EGFL7: variants seen among roughly 807,000 people sequenced by gnomAD.
EGFL7 encodes epidermal growth factor-like protein 7.
EGFL7 carries 48 observed loss-of-function variants against 37.1 expected under a neutral mutation model. The ratio of observed to expected loss-of-function variants is 1.29; its 90% CI spans 1.03 to 1.65. EGFL7 has a LOEUF of 1.65. EGFL7 is among the 40% of genes most tolerant of loss of function. The probability of loss-of-function intolerance (pLI) is 0.00; values close to 1 mark genes in which losing one functional copy is unlikely to be tolerated. For missense variants in EGFL7, 384 were observed against 378.9 expected (o/e 1.01, Z -0.11); for synonymous variants, 180 against 156.8 (o/e 1.15, Z -1.10).
upstream of EGFL7, among the ~76,000 whole-genome samples, chr9:136,662,369 C>T (rs904288613): frequency 2.0e-5 from 3 of 152,192 alleles, no homozygotes; most frequent in African/African-American, 7.2e-5. Flanking sequence ...TGTTCTCGGA[C>T]CGCTCAGCCT....
At position 136,670,168 on chromosome 9, in the gene EGFL7, G is replaced by A. The variant is rs755108877; in HGVS notation, c.410-1G>A. On this transcript the variant is annotated splice_acceptor_variant, in intron 7 of 10. Transcript: ENST00000308874. LOFTEE classifies it high-confidence loss of function. Reference sequence around the variant, plus strand: ...GCCGCCTGACACCCCGTTTCCTGCAGATGTGGATGAATGCAGTGCTAGGAG... The same window carrying A: ...GCCGCCTGACACCCCGTTTCCTGCAAATGTGGATGAATGCAGTGCTAGGAG... The A allele has an allele frequency of 1.2e-6, 2 of 1,612,760 alleles. No homozygotes were observed. Among genetic ancestry groups the A allele is most frequent in the South Asian group, 1.1e-5 (1 of 91,090 alleles).
Position 136,669,696 on chromosome 9 carries a change from C to T in EGFL7, c.288C>T (p.Ser96=), listed in dbSNP as rs564212655. Residue 96 remains serine, a synonymous_variant, in exon 6 of 11, where the codon AGC becomes AGT. Coordinates refer to ENST00000308874, the MANE Select transcript of EGFL7 (RefSeq NM_016215.5). ...YACCPGWKRT[S]GLPGACGAAI... is the part of the protein sequence containing the mutation. ...GCTGCCCCGGCTGGAAGAGGACCAG[C>T]GGGCTTCCTGGGGCCTGTGGAGCAG... 2.5e-5 allele frequency: 40 copies of T among 1,602,180 alleles called. No homozygotes were observed. Among genetic ancestry groups the T allele is most frequent in the South Asian group, 9.0e-5 (8 of 88,980 alleles).
At chr9:136,662,775 C>A (rs145876487), upstream of EGFL7, among the ~76,000 whole-genome samples, 405 of 152,302 alleles carry the variant, frequency 2.7e-3, 3 homozygotes, top group Non-Finnish European at 4.6e-3. Context: ...GTGGCCCCCA[C>A]CCCCCTCAGC....
chr9:136,671,613 A>C (rs1588253352), intron 9 of EGFL7, among the ~76,000 whole-genome samples: 8 of 130,802 alleles, frequency 6.1e-5, no homozygotes, highest in African/African-American at 8.8e-5. Context: ...AGACCTCCCC[A>C]CCCCCCCATC....
chr9:136,671,777 C>T (rs886773428), intron 9 of EGFL7, 149 bp from the exon 10 acceptor site: 105 of 1,102,536 alleles, frequency 9.5e-5, no homozygotes, highest in Admixed American at 6.4e-4. Context: ...TTTTCTGCCA[C>T]GGCAGCCCCC....
At chr9:136,669,336 T>C (rs1209313550) in intron 5 of EGFL7, among the ~76,000 whole-genome samples, 1 of 152,128 alleles carries the variant, frequency 6.6e-6, no homozygotes, top group Non-Finnish European at 1.5e-5. Context: ...GGAGACCAGA[T>C]AGGTGGGGGC....
upstream of EGFL7, chr9:136,659,140 G>A (rs1478823091): frequency 1.3e-5 from 2 of 152,226 alleles, no homozygotes; most frequent in African/African-American, 4.8e-5. Context: ...CGTGGGTCAG[G>A]GGCCGGAGCA....
At position 136,662,961 on chromosome 9, in the gene EGFL7, C is replaced by T. The variant is rs1413546348; in HGVS notation, c.-500C>T. ...TGGCCCTGCACGGCTGCAAGGGAGG[C>T]TCCTGTGGACAGGCCAGGCAGGTGG... On this transcript the variant is annotated 5_prime_UTR_variant, in exon 1 of 11. Transcript: ENST00000308874. 6.6e-6 allele frequency: 1 copy of T among 152,320 alleles called. No individual in the cohort carries two copies. The highest frequency in any genetic ancestry group is 1.5e-5 in the Non-Finnish European group (1 of 68,102). 9.4% of individuals were successfully genotyped at this position (152,320 alleles called of 1,614,324 possible).
rs1403431634 is a variant in EGFL7, at chr9:136,666,136, C to G, written c.-43+1351C>G. On this transcript the variant is annotated intron_variant, in intron 3 of 10. Coordinates refer to ENST00000308874, the MANE Select transcript of EGFL7 (RefSeq NM_016215.5). The surrounding 1 kb of genome is among the most constrained non-coding windows in gnomAD (Gnocchi z 6.8). ...GCCCCTCGTCCGACCCGGCGCGACT[C>G]AGCGCCTCGGGGCCCAGCCTGTGCC... 6.7e-6 allele frequency among the ~76,000 whole-genome samples: 1 copy of G among 148,960 alleles called. No homozygotes were observed. The highest frequency in any genetic ancestry group is 6.7e-5 in the Admixed American group (1 of 14,980).
At chr9:136,668,096 G>C in intron 3 of EGFL7, 145 bp from the exon 4 acceptor site, 1 of 573,752 alleles carries the variant, frequency 1.7e-6, no homozygotes. Context: ...CAGCGGAGGA[G>C]AGAGTGGGCG....
chr9:136,669,943 G>T lies in EGFL7; in HGVS notation c.343G>T (p.Gly115Trp). The change falls in exon 7 of 11, where the codon GGG becomes TGG. Residue 115 changes from glycine (G) to tryptophan (W), a missense_variant. Physicochemically the swap from Gly to Trp is radical, Grantham distance 184. Transcript: ENST00000308874. ...ATGCCAGCCGCCATGCCGGAACGGA[G>T]GGAGCTGTGTCCAGCCTGGCCGCTG... ...AICQPPCRNG[G>W]SCVQPGRCRC... is the part of the protein sequence containing the mutation. 6.2e-7 allele frequency: 1 copy of T among 1,606,224 alleles called. No individual in the cohort carries two copies. Among genetic ancestry groups the T allele is most frequent in the East Asian group, 2.2e-5 (1 of 44,588 alleles).
At position 136,670,222 on chromosome 9, in the gene EGFL7, A is replaced by G; in HGVS notation, c.463A>G (p.Thr155Ala). ...CGGCTGTCCCCAGCGCTGCGTCAAC[A>G]CCGCCGGCAGTTACTGGTGCCAGTG... ...RGGCPQRCVN[T>A]AGSYWCQCWE... The change falls in exon 8 of 11, where the codon ACC (threonine) becomes GCC (alanine). Residue 155 changes from threonine to alanine, a missense_variant. Thr to Ala is a moderately conservative substitution (Grantham distance 58). Transcript: ENST00000308874. 2 of 1,612,456 alleles carry G rather than the reference A, an allele frequency of 1.2e-6. No homozygotes were observed. Among genetic ancestry groups the G allele is most frequent in the Non-Finnish European group, 1.7e-6 (2 of 1,179,778 alleles).
At chr9:136,670,891 C>G in intron 8 of EGFL7, 59 bp from the exon 9 acceptor site, 1 of 1,464,250 alleles carries the variant, frequency 6.8e-7, no homozygotes, top group Non-Finnish European at 9.3e-7. Flanking sequence ...CAGGAGGGAG[C>G]CTGGGGGTGT....
intron 3 of EGFL7, among the ~76,000 whole-genome samples, chr9:136,665,985 G>C (rs1365383762): frequency 6.8e-6 from 1 of 146,118 alleles, no homozygotes; most frequent in Admixed American, 6.8e-5. Context: ...GGGGCGGAGC[G>C]GGCCGGGGCG....
At position 136,671,015 on chromosome 9, in the gene EGFL7, G is replaced by C; in HGVS notation, c.636+1G>C. ...GTCCAGGGTGGACCTGCTGGAGGAGGTGAGGCATTGGTGGGGGGGGGGGGG... is the reference window on the plus strand; with the variant it reads ...GTCCAGGGTGGACCTGCTGGAGGAGCTGAGGCATTGGTGGGGGGGGGGGGG... On this transcript the variant is annotated splice_donor_variant, in intron 9 of 10. Transcript: ENST00000308874. LOFTEE classifies it high-confidence loss of function. The C allele has an allele frequency of 7.1e-7, 1 of 1,408,904 alleles. No homozygotes were observed. Among genetic ancestry groups the C allele is most frequent in the Non-Finnish European group, 9.4e-7 (1 of 1,065,892 alleles). 87.3% of individuals were successfully genotyped at this position (1,408,904 alleles called of 1,614,324 possible).
chr9:136,671,993 A>G lies in EGFL7; in HGVS notation c.704A>G (p.Asp235Gly). 6.5e-7 allele frequency: 1 copy of G among 1,542,810 alleles called. No homozygotes were observed. The change falls in exon 10 of 11, where the codon GAC becomes GGC. Residue 235 changes from aspartate to glycine, a missense_variant. By Grantham distance (94) the Asp-to-Gly change is moderately conservative (BLOSUM62 -1). Transcript: ENST00000308874. ...ASQALEHGLP[D>G]PGSLLVHSFQ... ...CAGGCACTGGAGCATGGGCTCCCGGACCCCGGCAGCCTCCTGGTGCACTCC... is the reference window on the plus strand; with the variant it reads ...CAGGCACTGGAGCATGGGCTCCCGGGCCCCGGCAGCCTCCTGGTGCACTCC...
At chr9:136,669,065 AC>A (rs1046769018) in intron 5 of EGFL7, among the ~76,000 whole-genome samples, 1 of 151,656 alleles carries the variant, frequency 6.6e-6, no homozygotes, top group Non-Finnish European at 1.5e-5. Context: ...TCCACTGGGC[AC>A]CCCCCTCCAC....
upstream of EGFL7, among the ~76,000 whole-genome samples, chr9:136,662,195 C>T (rs1406562489): frequency 1.3e-5 from 2 of 152,204 alleles, no homozygotes; most frequent in Non-Finnish European, 2.9e-5. Context: ...CAGCCCAGAG[C>T]ACCCCTGTGA....
rs1308051958 is a variant in EGFL7 at position 136,671,772 on chromosome 9, T to C, written c.637-154T>C. ...GCACCCACTCTGCGGCAAGCTTTTC[T>C]GCCACGGCAGCCCCCTCTAGTGGAC... On this transcript the variant is annotated intron_variant, in intron 9 of 10. Coordinates refer to ENST00000308874, the MANE Select transcript of EGFL7 (RefSeq NM_016215.5). Among the ~76,000 whole-genome samples the C allele has an allele frequency of 5.3e-5, 8 of 152,188 alleles. No individual in the cohort carries two copies. In the East Asian group the frequency reaches 1.5e-3, roughly 29 times the overall value.
Sources: gnomAD v4.1 joint callset for allele counts (sites outside exome capture counted in the v4.1 genomes callset) on GRCh38, gnomAD v4.1.1 for gene constraint, Gnocchi (gnomAD v3.1) non-coding constraint, MANE v1.5 for transcripts, NCBI Gene and HGNC (gene_info 2026-07-23, HGNC 2026-07-21) for gene names.